The following CCDC85C variants were observed in gnomAD, a reference collection of about 807,000 sequenced individuals.
CCDC85C encodes coiled-coil domain-containing protein 85C.
CCDC85C carries 18 observed loss-of-function variants against 38.3 expected under a neutral mutation model. The ratio of observed to expected loss-of-function variants is 0.47; its 90% confidence interval spans 0.33 to 0.70. The LOEUF (loss-of-function observed/expected upper bound fraction) is 0.70. CCDC85C is among the 30% of genes least tolerant of loss of function. CCDC85C has a pLI of 0.03. For synonymous variants in CCDC85C, 264 were observed against 293.8 expected (o/e 0.90, Z 1.04); for missense variants, 566 against 621.2 (o/e 0.91, Z 0.94).
chr14:99,551,290 C>T (rs1217682765), intron 1 of CCDC85C, among the ~76,000 whole-genome samples: 1 of 152,132 alleles, frequency 6.6e-6, no homozygotes, highest in Non-Finnish European at 1.5e-5. Context: ...CTGCCAGAGG[C>T]CACACGGGAT....
rs1006090485 is a variant in CCDC85C, at chr14:99,503,325, C to T, written c.*11921G>A. 2.2e-5 allele frequency: 13 copies of T among 601,318 alleles called. No homozygotes were observed. The highest frequency in any genetic ancestry group is 9.3e-5 in the African/African-American group (5 of 53,840). 37.2% of individuals were successfully genotyped at this position (601,318 alleles called of 1,614,324 possible). A position where few individuals can be genotyped will look rare whatever the true frequency, so the allele number is the denominator to read the frequency against. ...AGCTGCCTGACCCCAAACAGTGGAC[C>T]GTTTCCTGCACCCAAGTGGTCCTGA... On this transcript the variant is annotated 3_prime_UTR_variant, in exon 6 of 6. Transcript: ENST00000380243.
rs1390197796 is a variant in CCDC85C, at chr14:99,533,808, G to A, written c.867+2207C>T. 6.6e-6 allele frequency among the ~76,000 whole-genome samples: 1 copy of A among 152,244 alleles called. No individual in the cohort carries two copies. On this transcript the variant is annotated intron_variant, in intron 2 of 5. Coordinates refer to ENST00000380243, the MANE Select transcript of CCDC85C (RefSeq NM_001144995.2). This position sits in a 1 kb window ranked among gnomAD's most constrained non-coding sequence, Gnocchi z 4.2. ...TGCACAGGTGGGTGCAGGGCAGGTG[G>A]ACACAGGTTATGGTGGAGGGCCCCC...
At chr14:99,587,185 G>A (rs2055036403) in intron 1 of CCDC85C, among the ~76,000 whole-genome samples, 1 of 152,252 alleles carries the variant, frequency 6.6e-6, no homozygotes. Context: ...TAAAATCTCA[G>A]GACAGAGATA....
rs1352523041 is a variant in CCDC85C at position 99,502,600 on chromosome 14, G to A, written c.*12646C>T. On this transcript the variant is annotated 3_prime_UTR_variant, in exon 6 of 6. Coordinates refer to ENST00000380243, the MANE Select transcript of CCDC85C (RefSeq NM_001144995.2). ...GTTGCACACAACGAAGATGGGGTGA[G>A]TTGTAAATGTGATTCATGCTTAGGT... The A allele has an allele frequency of 8.2e-7, 1 of 1,221,476 alleles. No individual in the cohort carries two copies. Among genetic ancestry groups the A allele is most frequent in the African/African-American group, 1.5e-5 (1 of 65,956 alleles). The allele number at this position is 1,221,476 out of a possible 1,614,324, so 75.7% of individuals were successfully genotyped here.
intron 1 of CCDC85C, among the ~76,000 whole-genome samples, chr14:99,540,964 G>A (rs1300646665): frequency 6.6e-6 from 1 of 152,196 alleles, no homozygotes. Flanking sequence ...GGGAAGCTGT[G>A]AGGCAGGGGC....
intron 2 of CCDC85C, among the ~76,000 whole-genome samples, chr14:99,525,681 G>C (rs749700826): frequency 6.6e-6 from 1 of 152,234 alleles, no homozygotes; most frequent in Non-Finnish European, 1.5e-5. Flanking sequence ...TGGGGGTGCG[G>C]GTGGAGGCAG....
At position 99,517,131 on chromosome 14, in the gene CCDC85C, C is replaced by T; in HGVS notation, c.1028G>A (p.Ser343Asn). The change falls in exon 4 of 6, where the codon AGC (serine) becomes AAC (asparagine). Residue 343 changes from serine to asparagine, a missense_variant. Physicochemically the swap from Ser to Asn is conservative, Grantham distance 46. Coordinates refer to ENST00000380243, the MANE Select transcript of CCDC85C (RefSeq NM_001144995.2). ...ELPSPPSAGY[S>N]PAGQKPEAVV... ...AGCCTCGGGCTTCTGTCCTGCAGGG[C>T]TGTAGCCAGCAGAGGGGGGCGAGGG... The T allele has an allele frequency of 6.5e-7, 1 of 1,550,294 alleles. No individual in the cohort carries two copies. The highest frequency in any genetic ancestry group is 1.2e-5 in the South Asian group (1 of 84,052).
At chr14:99,579,308 T>C (rs17098855) in intron 1 of CCDC85C, among the ~76,000 whole-genome samples, 11,980 of 152,246 alleles carry the variant, frequency 0.079, 714 homozygotes, top group South Asian at 0.18. Context: ...CTGGACGCAG[T>C]GTCCCTGTGC....
chr14:99,565,015 G>A (rs753990368), intron 1 of CCDC85C, among the ~76,000 whole-genome samples: 1 of 152,168 alleles, frequency 6.6e-6, no homozygotes, highest in African/African-American at 2.4e-5. Flanking sequence ...GAGAGGGGAC[G>A]CAGACCCTCT....
In CCDC85C at chr14:99,582,833, T is replaced by G. The variant is rs77595773; in HGVS notation, c.793+20334A>C. 2.8e-3 allele frequency among the ~76,000 whole-genome samples: 423 copies of G among 152,160 alleles called. 3 individuals carry two copies. Among genetic ancestry groups the G allele is most frequent in the African/African-American group, 9.8e-3 (406 of 41,510 alleles). On this transcript the variant is annotated intron_variant, in intron 1 of 5. Transcript: ENST00000380243. ...CGTCTCAAAAAAAGAAAAAAAAAGTTAAGTAAAAACTAGGGAAATGTGAAT... is the reference window on the plus strand; with the variant it reads ...CGTCTCAAAAAAAGAAAAAAAAAGTGAAGTAAAAACTAGGGAAATGTGAAT...
chr14:99,551,449 G>A (rs1336462027), intron 1 of CCDC85C, among the ~76,000 whole-genome samples: 1 of 152,008 alleles, frequency 6.6e-6, no homozygotes, highest in Non-Finnish European at 1.5e-5. Context: ...GTGCAGGTGA[G>A]CAGGTGAATG....
At chr14:99,582,239 G>C (rs1413077752) in intron 1 of CCDC85C, among the ~76,000 whole-genome samples, 1 of 152,158 alleles carries the variant, frequency 6.6e-6, no homozygotes, top group Non-Finnish European at 1.5e-5. Flanking sequence ...AGCAGACACA[G>C]CTGCACTTCT....
chr14:99,519,881 C>G (rs556991754), intron 3 of CCDC85C, among the ~76,000 whole-genome samples: 10 of 152,196 alleles, frequency 6.6e-5, no homozygotes, highest in African/African-American at 2.4e-4. Flanking sequence ...ACCAACCAGT[C>G]GGTGGTTGCT....
At chr14:99,580,949 A>G (rs1433308890) in intron 1 of CCDC85C, among the ~76,000 whole-genome samples, 1 of 152,208 alleles carries the variant, frequency 6.6e-6, no homozygotes, top group Non-Finnish European at 1.5e-5. Context: ...GCCTGATCAC[A>G]GAGCACCTCC....
rs977193510 is a variant in CCDC85C, at chr14:99,548,785, A to G, written c.794-12697T>C. On this transcript the variant is annotated intron_variant, in intron 1 of 5. Coordinates refer to ENST00000380243, the MANE Select transcript of CCDC85C (RefSeq NM_001144995.2). The surrounding 1 kb of genome is among the most constrained non-coding windows in gnomAD (Gnocchi z 4.9). ...AGCCCGGGCAATCTAAAAAAAGACC[A>G]CCTCTAAAAACTAAAAGCAAAAAAA... 1.3e-5 allele frequency among the ~76,000 whole-genome samples: 2 copies of G among 151,984 alleles called. No homozygotes were observed. Among genetic ancestry groups the G allele is most frequent in the African/African-American group, 2.4e-5 (1 of 41,348 alleles).
At chr14:99,562,872 C>T (rs983992609) in intron 1 of CCDC85C, among the ~76,000 whole-genome samples, 2 of 150,396 alleles carry the variant, frequency 1.3e-5, no homozygotes, top group Admixed American at 1.3e-4. Flanking sequence ...CACACACACC[C>T]ATATGCACAC....
chr14:99,525,645 GGCT>G (rs763351712), intron 2 of CCDC85C, among the ~76,000 whole-genome samples: 32 of 152,262 alleles, frequency 2.1e-4, no homozygotes, highest in Non-Finnish European at 4.3e-4. Flanking sequence ...CCATCAGGGA[GGCT>G]GCAACTAAAG....
chr14:99,506,644 A>G lies in CCDC85C; in HGVS notation c.*8602T>C, dbSNP rs938303364. 1.2e-5 allele frequency: 2 copies of G among 164,868 alleles called. No homozygotes were observed. The highest frequency in any genetic ancestry group is 1.2e-4 in the Admixed American group (2 of 17,210). The allele number at this position is 164,868 out of a possible 1,614,324, so 10.2% of individuals were successfully genotyped here. ...GAGAATAAACTATGTCTAAGAATGA[A>G]AAGATAGAGATTCTCTTGTGGAACC... On this transcript the variant is annotated 3_prime_UTR_variant, in exon 6 of 6. Transcript: ENST00000380243.
At chr14:99,549,435 G>T (rs1897864631) in intron 1 of CCDC85C, among the ~76,000 whole-genome samples, 1 of 152,206 alleles carries the variant, frequency 6.6e-6, no homozygotes, top group Admixed American at 6.5e-5. Context: ...GGGTTCACAG[G>T]CGTCTGGCTG....
Sources: gnomAD v4.1 joint callset for allele counts (sites outside exome capture counted in the v4.1 genomes callset) on GRCh38, gnomAD v4.1.1 for gene constraint, Gnocchi (gnomAD v3.1) non-coding constraint, MANE v1.5 for transcripts, NCBI Gene and HGNC (gene_info 2026-07-23, HGNC 2026-07-21) for gene names.